NREP: variants seen among roughly 807,000 people sequenced by gnomAD.
NREP encodes the protein neuronal regeneration-related protein.
In NREP, 5 loss-of-function variants were observed where a neutral mutation model predicts 8.6. The ratio of observed to expected loss-of-function variants is 0.58; its 90% CI spans 0.30 to 1.22. The LOEUF is 1.22. Among genes scored for constraint, NREP ranks in the 50% most tolerant of loss-of-function variants. The pLI, the probability that NREP is intolerant of heterozygous loss-of-function variation, is 0.07. For synonymous variants in NREP, 27 were observed against 28.0 expected, an observed-to-expected ratio of 0.96 and a Z score of 0.11; for missense variants, 86 against 82.5, an observed-to-expected ratio of 1.04 and a Z score of -0.17.
At chr5:111,903,487 A>G (rs1754701850) in intron 2 of NREP, among the ~76,000 whole-genome samples, 1 of 152,194 alleles carries the variant, frequency 6.6e-6, no homozygotes, top group Admixed American at 6.5e-5. Context: ...AGTCATACTC[A>G]AATTAGAACT....
At chr5:111,952,155 C>T (rs1379236724) in intron 2 of NREP, among the ~76,000 whole-genome samples, 2 of 152,058 alleles carry the variant, frequency 1.3e-5, no homozygotes, top group African/African-American at 4.8e-5. Context: ...TCCCAGAAGC[C>T]TTTGTCAAGT....
At chr5:111,933,001 G>A (rs1755583872) in intron 2 of NREP, among the ~76,000 whole-genome samples, 1 of 152,074 alleles carries the variant, frequency 6.6e-6, no homozygotes, top group Non-Finnish European at 1.5e-5. Context: ...GACATGCCCA[G>A]AATAAAAAGA....
At chr5:111,874,816 C>T (rs969780759) in intron 2 of NREP, among the ~76,000 whole-genome samples, 3 of 152,088 alleles carry the variant, frequency 2.0e-5, no homozygotes, top group Admixed American at 6.6e-5. Flanking sequence ...CTTCTATACT[C>T]CCCATTGTAA....
chr5:111,813,253 G>C (rs1471712682), intron 2 of NREP, among the ~76,000 whole-genome samples: 1 of 152,150 alleles, frequency 6.6e-6, no homozygotes, highest in African/African-American at 2.4e-5. Flanking sequence ...TTTTCTAACA[G>C]ATGGCCTCAA....
rs147894256 is a variant in NREP, at chr5:111,796,281, C to G, written c.136-60774G>C. ...ACACCTCCTGCTCTGACTCTTTTGC[C>G]TCCTTCTTTCATCTTTTAAGGACCC... On this transcript the variant is annotated intron_variant, in intron 2 of 3. Transcript: ENST00000395634. 1.3e-3 allele frequency among the ~76,000 whole-genome samples: 193 copies of G among 152,212 alleles called. 1 individual carries two copies. Among genetic ancestry groups the G allele is most frequent in the African/African-American group, 4.6e-3 (191 of 41,532 alleles).
chr5:111,964,651 T>C (rs1756581235), intron 2 of NREP, among the ~76,000 whole-genome samples: 1 of 151,568 alleles, frequency 6.6e-6, no homozygotes, highest in Non-Finnish European at 1.5e-5. Flanking sequence ...ATTACAGGAG[T>C]GAGCTACCAT....
chr5:111,819,516 T>G (rs1423795841), intron 2 of NREP, among the ~76,000 whole-genome samples: 1 of 152,230 alleles, frequency 6.6e-6, no homozygotes, highest in Non-Finnish European at 1.5e-5. Context: ...GCACTATTTC[T>G]TTGCAGCACC....
At chr5:111,812,529 T>C (rs891776309) in intron 2 of NREP, among the ~76,000 whole-genome samples, 4 of 152,170 alleles carry the variant, frequency 2.6e-5, no homozygotes, top group Admixed American at 6.5e-5. Flanking sequence ...CAAGATTCAG[T>C]TCTACATTAT....
chr5:111,827,686 T>C (rs553494638), intron 2 of NREP, among the ~76,000 whole-genome samples: 2 of 152,062 alleles, frequency 1.3e-5, no homozygotes, highest in African/African-American at 4.8e-5. Context: ...TACTAAAAAA[T>C]ACAAAAATTA....
intron 2 of NREP, among the ~76,000 whole-genome samples, chr5:111,939,781 A>C (rs1755781112): frequency 6.6e-6 from 1 of 152,062 alleles, no homozygotes. Flanking sequence ...TCCTGAGCAC[A>C]AGAGGGCTGC....
chr5:111,917,122 A>G (rs1388811703), intron 2 of NREP, among the ~76,000 whole-genome samples: 2 of 152,066 alleles, frequency 1.3e-5, no homozygotes, highest in African/African-American at 2.4e-5. Context: ...TCCCGCATGC[A>G]TGGTGTCCTT....
Position 111,854,800 on chromosome 5 carries a change from T to G in NREP, c.136-119293A>C, listed in dbSNP as rs7719956. On this transcript the variant is annotated intron_variant, in intron 2 of 3. Coordinates refer to the NREP transcript ENST00000395634. Reference sequence around the variant, plus strand: ...GCTCTGTTACCTTCCCTTCTGCCCTTTCCCAGAAATAACCACTGCTATTAC... The same window carrying G: ...GCTCTGTTACCTTCCCTTCTGCCCTGTCCCAGAAATAACCACTGCTATTAC... 4.6e-5 allele frequency among the ~76,000 whole-genome samples: 7 copies of G among 152,138 alleles called. No homozygotes were observed. In the East Asian group the frequency reaches 1.2e-3, roughly 25 times the overall value.
chr5:111,950,456 C>G (rs1370143785), intron 2 of NREP, among the ~76,000 whole-genome samples: 5 of 152,036 alleles, frequency 3.3e-5, no homozygotes, highest in African/African-American at 1.2e-4. Flanking sequence ...GGGAGAAAAC[C>G]TAGGCAATAC....
chr5:111,934,033 G>A (rs1755614776), intron 2 of NREP, among the ~76,000 whole-genome samples: 1 of 152,078 alleles, frequency 6.6e-6, no homozygotes, highest in South Asian at 2.1e-4. Context: ...TCCTTTTGGG[G>A]ACAGAAAGCA....
chr5:111,742,157 C>T (rs1749722802), intron 2 of NREP, among the ~76,000 whole-genome samples: 1 of 152,126 alleles, frequency 6.6e-6, no homozygotes, highest in Admixed American at 6.6e-5. Context: ...AGAAAGCGTT[C>T]ATATTTTATT....
At chr5:111,802,808 T>C (rs557488639) in intron 2 of NREP, among the ~76,000 whole-genome samples, 3 of 152,328 alleles carry the variant, frequency 2.0e-5, no homozygotes, top group Admixed American at 6.5e-5. Flanking sequence ...AATCTGAAGA[T>C]GCAAAACAGC....
In NREP at chr5:111,729,612, A is replaced by C. The variant is rs1489104614; in HGVS notation, c.*1309T>G. The stretch of plus-strand genomic sequence containing the variant: ...GCGTCATCGGTGTTTAACAGTCAGA[A>C]GCGAAACAGTTCAGAACAAGGCCTG... On this transcript the variant is annotated 3_prime_UTR_variant, in exon 4 of 4. Transcript: ENST00000257435. The C allele has an allele frequency of 6.5e-6, 1 of 152,694 alleles. No individual in the cohort carries two copies. The highest frequency in any genetic ancestry group is 1.5e-5 in the Non-Finnish European group (1 of 68,052). The allele number at this position is 152,694 out of a possible 1,614,324, so 9.5% of individuals were successfully genotyped here.
intron 1 of NREP, chr5:111,756,230 G>T: frequency 1.0e-6 from 1 of 989,896 alleles, no homozygotes; most frequent in Non-Finnish European, 1.2e-6. Context: ...GCCTTCCACC[G>T]TGTAGTGTAA....
chr5:111,970,132 T>A (rs1246475037), intron 2 of NREP, among the ~76,000 whole-genome samples: 2 of 152,206 alleles, frequency 1.3e-5, no homozygotes, highest in African/African-American at 4.8e-5. Flanking sequence ...TTGCTAGGCA[T>A]TTTCCAGGAG....
Sources: gnomAD v4.1 joint callset for allele counts (sites outside exome capture counted in the v4.1 genomes callset) on GRCh38, gnomAD v4.1.1 for gene constraint, MANE v1.5 for transcripts, NCBI Gene and HGNC (gene_info 2026-07-23, HGNC 2026-07-21) for gene names.